Variants in SMOC2 observed in about 807,000 individuals in gnomAD.
The protein encoded by SMOC2 is SPARC-related modular calcium-binding protein 2.
SMOC2 carries 39 observed loss-of-function variants against 61.4 expected under a neutral mutation model. The observed-to-expected ratio is 0.64, with a 90% CI of 0.49 to 0.83. The LOEUF (loss-of-function observed/expected upper bound fraction) is 0.83. Among genes scored for constraint, SMOC2 ranks in the 40% least tolerant of loss-of-function variants. The pLI, the probability that SMOC2 is intolerant of heterozygous loss-of-function variation, is 0.00. For missense variants in SMOC2, 556 were observed against 592.9 expected (o/e 0.94, Z 0.65); for synonymous variants, 247 against 239.9 (o/e 1.03, Z -0.27).
chr6:168,611,273 G>A (rs1370412410), intron 9 of SMOC2, among the ~76,000 whole-genome samples: 1 of 119,560 alleles, frequency 8.4e-6, no homozygotes, highest in African/African-American at 3.3e-5. Context: ...GGGACCCACC[G>A]TGGCTCCCGT....
chr6:168,558,449 C>T (rs1010412372), intron 7 of SMOC2, among the ~76,000 whole-genome samples: 1 of 152,186 alleles, frequency 6.6e-6, no homozygotes, highest in Non-Finnish European at 1.5e-5. Flanking sequence ...GTTATTGTTG[C>T]TGCTGCTGGG....
intron 4 of SMOC2, among the ~76,000 whole-genome samples, chr6:168,536,430 G>A (rs9455657): frequency 0.011 from 1,617 of 152,230 alleles, 34 homozygotes; most frequent in African/African-American, 0.037. Context: ...TAAGGAGGTG[G>A]TTGGGTCCCA....
chr6:168,530,864 G>A (rs553051203), intron 4 of SMOC2, among the ~76,000 whole-genome samples: 10 of 152,270 alleles, frequency 6.6e-5, no homozygotes, highest in South Asian at 2.1e-4. Flanking sequence ...CTGGGAGGGC[G>A]TTCCCAGCAG....
At chr6:168,467,772 A>G (rs1478290783) in intron 1 of SMOC2, among the ~76,000 whole-genome samples, 2 of 152,122 alleles carry the variant, frequency 1.3e-5, no homozygotes, top group African/African-American at 4.8e-5. Flanking sequence ...AGCCATACCA[A>G]ATTATATTTT....
chr6:168,653,652 C>G (rs9364267), intron 11 of SMOC2, among the ~76,000 whole-genome samples: 17,679 of 76,666 alleles, frequency 0.23, 1,608 homozygotes, highest in East Asian at 0.5. Context: ...CACCAACCCT[C>G]TACCTGAGCT....
At chr6:168,524,224 T>G (rs372147687) in intron 2 of SMOC2, among the ~76,000 whole-genome samples, 5 of 152,302 alleles carry the variant, frequency 3.3e-5, no homozygotes, top group South Asian at 4.1e-4. Context: ...ATATCCAGAA[T>G]AAGGAATAGC....
intron 7 of SMOC2, among the ~76,000 whole-genome samples, chr6:168,582,537 G>A (rs1461187275): frequency 6.6e-6 from 1 of 152,190 alleles, no homozygotes; most frequent in East Asian, 1.9e-4. Context: ...CTGGGGTGGG[G>A]CAGAGCCGGA....
chr6:168,466,709 C>T (rs1054979661), intron 1 of SMOC2, among the ~76,000 whole-genome samples: 3 of 152,236 alleles, frequency 2.0e-5, no homozygotes, highest in African/African-American at 7.2e-5. Context: ...CCCAGCTCCA[C>T]GAAGGGTGCA....
intron 3 of SMOC2, among the ~76,000 whole-genome samples, chr6:168,527,384 TAAGGTGTCCAGC>T (rs2115076004): frequency 6.6e-6 from 1 of 152,310 alleles, no homozygotes; most frequent in African/African-American, 2.4e-5. Context: ...GCTTCACAGG[TAAGGTGTCCAGC>T]CCACACTAGC....
At chr6:168,591,196 G>A (rs1562366458) in intron 7 of SMOC2, among the ~76,000 whole-genome samples, 1 of 152,244 alleles carries the variant, frequency 6.6e-6, no homozygotes, top group Non-Finnish European at 1.5e-5. Flanking sequence ...GAGGAAGGCT[G>A]TCTCCAATGT....
chr6:168,452,136 C>T lies in SMOC2; in HGVS notation c.84+10682C>T, dbSNP rs901791956. Among the ~76,000 whole-genome samples, 17 of 152,216 alleles carry T rather than the reference C, an allele frequency of 1.1e-4. No individual in the cohort carries two copies. The highest frequency in any genetic ancestry group is 3.6e-4 in the African/African-American group (15 of 41,454). ...CCACCTTGCCTGCAAAAATACCCCA[C>T]GGGCCTGCTGCCCCAAGTGAGTTCA... On this transcript the variant is annotated intron_variant, in intron 1 of 12. Transcript: ENST00000356284. This position sits in a 1 kb window ranked among gnomAD's most constrained non-coding sequence, Gnocchi z 5.0.
At chr6:168,482,638 C>T (rs62424592) in intron 1 of SMOC2, among the ~76,000 whole-genome samples, 287 of 152,082 alleles carry the variant, frequency 1.9e-3, no homozygotes, top group South Asian at 5.4e-3. Flanking sequence ...TTATGAACAT[C>T]GATGCCAAAA....
intron 1 of SMOC2, among the ~76,000 whole-genome samples, chr6:168,467,454 A>G (rs1781869311): frequency 6.6e-6 from 1 of 151,870 alleles, no homozygotes; most frequent in African/African-American, 2.4e-5. Flanking sequence ...CTACAGGTGC[A>G]CACCACCACA....
In SMOC2 at chr6:168,630,865, G is replaced by A. The variant is rs559282574; in HGVS notation, c.908-19816G>A. 7.2e-3 allele frequency among the ~76,000 whole-genome samples: 1,104 copies of A among 152,284 alleles called. 7 individuals carry two copies. Among genetic ancestry groups the A allele is most frequent in the Non-Finnish European group, 0.012 (797 of 68,022 alleles). ...CCTATAGTGCTCCCAGGCTTATTAG[G>A]AAGAGGAAATTCCCACCTAATAAAT... On this transcript the variant is annotated intron_variant, in intron 9 of 12. Coordinates refer to ENST00000356284, the MANE Select transcript of SMOC2 (RefSeq NM_001166412.2).
intron 1 of SMOC2, among the ~76,000 whole-genome samples, chr6:168,479,964 A>C (rs1272237836): frequency 6.6e-6 from 1 of 152,184 alleles, no homozygotes; most frequent in Non-Finnish European, 1.5e-5. Context: ...TAATATATGG[A>C]GAGAATTAGA....
chr6:168,534,947 C>A (rs546040281), intron 4 of SMOC2, among the ~76,000 whole-genome samples: 151 of 152,200 alleles, frequency 9.9e-4, no homozygotes, highest in Non-Finnish European at 1.7e-3. Context: ...TGGCTGAGTG[C>A]TTCTAGAGAT....
rs1198004331 is a variant in SMOC2 at position 168,598,952 on chromosome 6, T to C, written c.772T>C (p.Cys258Arg). 1 of 1,613,312 alleles carries C rather than the reference T, an allele frequency of 6.2e-7. No individual in the cohort carries two copies. Among genetic ancestry groups the C allele is most frequent in the African/African-American group, 1.3e-5 (1 of 74,830 alleles). The change falls in exon 8 of 13, where the codon TGC (cysteine) becomes CGC (arginine). Residue 258 changes from cysteine (C) to arginine (R), a missense_variant. Transcript: ENST00000356284. ...PVQCHPSTGY[C>R]WCVLVDTGRP... ...GCAGTGCCACCCCTCCACGGGGTAC[T>C]GCTGGTGCGTCCTGGTGGACACGGG...
chr6:168,605,437 G>T (rs1785662247), intron 8 of SMOC2, among the ~76,000 whole-genome samples: 1 of 152,146 alleles, frequency 6.6e-6, no homozygotes, highest in South Asian at 2.1e-4. Flanking sequence ...CTATTGAAAA[G>T]AATGGTGATG....
intron 4 of SMOC2, among the ~76,000 whole-genome samples, chr6:168,529,396 G>A (rs1030769177): frequency 2.0e-5 from 3 of 152,214 alleles, no homozygotes; most frequent in African/African-American, 7.2e-5. Context: ...TGCTGTCTGT[G>A]AGGGGGGGCA....
Sources: gnomAD v4.1 joint callset for allele counts (sites outside exome capture counted in the v4.1 genomes callset) on GRCh38, gnomAD v4.1.1 for gene constraint, Gnocchi (gnomAD v3.1) non-coding constraint, MANE v1.5 for transcripts, NCBI Gene and HGNC (gene_info 2026-07-23, HGNC 2026-07-21) for gene names.